Variants in EYA1 observed in about 807,000 individuals in gnomAD.
EYA1 encodes the protein protein phosphatase EYA1.
Under a neutral mutation model 82.0 loss-of-function variants are expected in EYA1, and 16 were observed. That is an observed-to-expected ratio of 0.20 (90% CI 0.13 to 0.30). The LOEUF is 0.30. EYA1 is among the 10% of genes least tolerant of loss of function. The probability of loss-of-function intolerance (pLI) is 1.00; values close to 1 mark genes in which losing one functional copy is unlikely to be tolerated. For missense variants in EYA1, 633 were observed against 730.7 expected, an observed-to-expected ratio of 0.87 and a Z score of 1.54; for synonymous variants, 261 against 264.4, an observed-to-expected ratio of 0.99 and a Z score of 0.12.
chr8:71,367,749 G>T (rs1403630362), intron 2 of EYA1, among the ~76,000 whole-genome samples: 1 of 152,112 alleles, frequency 6.6e-6, no homozygotes, highest in Non-Finnish European at 1.5e-5. Flanking sequence ...CTACTGTAAG[G>T]TTTATCTAGA....
chr8:71,326,777 G>A (rs913377310), intron 4 of EYA1, among the ~76,000 whole-genome samples: 4 of 152,128 alleles, frequency 2.6e-5, no homozygotes, highest in Non-Finnish European at 5.9e-5. Context: ...CTAGGAAGAT[G>A]TGAACTAACA....
At chr8:71,214,913 G>A (rs1808988885) in intron 16 of EYA1, among the ~76,000 whole-genome samples, 2 of 152,066 alleles carry the variant, frequency 1.3e-5, no homozygotes, top group Non-Finnish European at 2.9e-5. Context: ...TTTCTTTCAT[G>A]CAAGAAGCTT....
chr8:71,309,286 T>C (rs961472564), intron 7 of EYA1, among the ~76,000 whole-genome samples: 1 of 151,994 alleles, frequency 6.6e-6, no homozygotes, highest in Non-Finnish European at 1.5e-5. Flanking sequence ...GAAATTTTTA[T>C]CCAGTTTTTA....
intron 2 of EYA1, chr8:71,470,858 C>G (rs1006444503): frequency 4.4e-6 from 2 of 454,688 alleles, no homozygotes; most frequent in Non-Finnish European, 8.8e-6. Context: ...TCAGATTTAC[C>G]TTTAATTTCT....
At chr8:71,455,313 G>A (rs79349164) in intron 2 of EYA1, among the ~76,000 whole-genome samples, 3 of 152,148 alleles carry the variant, frequency 2.0e-5, no homozygotes, top group South Asian at 4.2e-4. Context: ...ATTCACTGCC[G>A]AATTCTACCA....
chr8:71,429,687 G>T (rs547722289), intron 2 of EYA1, among the ~76,000 whole-genome samples: 6 of 152,164 alleles, frequency 3.9e-5, no homozygotes, highest in Admixed American at 2.0e-4. Context: ...AGAGACAGAG[G>T]TTATGAGCCC....
At chr8:71,543,005 GTCTGTTCAC>G (rs1815269925) in intron 1 of EYA1, among the ~76,000 whole-genome samples, 1 of 151,894 alleles carries the variant, frequency 6.6e-6, no homozygotes, top group Admixed American at 6.6e-5. Context: ...TCTGTAGATT[GTCTGTTCAC>G]TCTGTTGACA....
At chr8:71,364,959 TATATATATATA>T (rs1827660200), upstream of EYA1, among the ~76,000 whole-genome samples, 1 of 126,210 alleles carries the variant, frequency 7.9e-6, no homozygotes, top group African/African-American at 3.7e-5. Context: ...TATATATATA[TATATATATATA>T]TATATATATA....
At chr8:71,489,402 G>T (rs7825546) in intron 2 of EYA1, among the ~76,000 whole-genome samples, 1 of 151,162 alleles carries the variant, frequency 6.6e-6, no homozygotes, top group African/African-American at 2.4e-5. Flanking sequence ...TCCTACAAAC[G>T]CTTTGTTTTA....
chr8:71,495,727 C>A (rs1376570895), intron 2 of EYA1, among the ~76,000 whole-genome samples: 1 of 152,018 alleles, frequency 6.6e-6, no homozygotes, highest in Non-Finnish European at 1.5e-5. Context: ...CTTCACTGAC[C>A]AACAAAATTA....
chr8:71,260,324 C>T (rs918198239), intron 11 of EYA1, among the ~76,000 whole-genome samples: 26 of 152,126 alleles, frequency 1.7e-4, no homozygotes, highest in Admixed American at 1.5e-3. Context: ...TTGGTCTCTA[C>T]AAAGTACTTA....
intron 2 of EYA1, among the ~76,000 whole-genome samples, chr8:71,437,813 GA>G (rs1421734427): frequency 2.0e-5 from 3 of 148,936 alleles, no homozygotes; most frequent in South Asian, 4.2e-4. Context: ...ACTACATATT[GA>G]AAAAAAAATG....
chr8:71,301,965 C>A (rs1265814173), intron 7 of EYA1, among the ~76,000 whole-genome samples: 1 of 151,758 alleles, frequency 6.6e-6, no homozygotes, highest in Admixed American at 6.6e-5. Context: ...TCTTTACGTG[C>A]ATATCAGTGA....
At chr8:71,309,901 T>C (rs1456109276) in intron 7 of EYA1, among the ~76,000 whole-genome samples, 1 of 152,182 alleles carries the variant, frequency 6.6e-6, no homozygotes, top group African/African-American at 2.4e-5. Context: ...AACAACATTA[T>C]ACACAAAGAG....
At position 71,216,765 on chromosome 8, in the gene EYA1, G is replaced by C. The variant is rs1809259969; in HGVS notation, c.1287C>G (p.Asp429Glu). ...AGCGGAAGGCCAACTTTCTCATCCA[G>C]TCCACACCGCCCCGTACACCAGTTG... ...CLATGVRGGV[D>E]WMRKLAFRYR... The change falls in exon 14 of 18, where the codon GAC (aspartate) becomes GAG (glutamate). Residue 429 changes from aspartate (D) to glutamate (E), a missense_variant. Transcript: ENST00000340726. 1 of 1,614,068 alleles carries C rather than the reference G, an allele frequency of 6.2e-7. No individual in the cohort carries two copies. The highest frequency in any genetic ancestry group is 8.5e-7 in the Non-Finnish European group (1 of 1,179,982).
chr8:71,505,880 G>A (rs1812156116), intron 2 of EYA1, among the ~76,000 whole-genome samples: 1 of 152,148 alleles, frequency 6.6e-6, no homozygotes, highest in Non-Finnish European at 1.5e-5. Flanking sequence ...CTGGTGGGAG[G>A]TGATTAGATA....
At chr8:71,245,862 A>T (rs929160902) in intron 11 of EYA1, among the ~76,000 whole-genome samples, 1 of 152,174 alleles carries the variant, frequency 6.6e-6, no homozygotes, top group African/African-American at 2.4e-5. Flanking sequence ...CCCATGCCAT[A>T]CTCAGAGAGC....
chr8:71,200,131 CA>C (rs1806782034), intron 17 of EYA1: 1 of 153,650 alleles, frequency 6.5e-6, no homozygotes, highest in African/African-American at 2.5e-5. Context: ...TTCACTGCTC[CA>C]AAGCACTATA....
chr8:71,417,854 C>T lies in EYA1; in HGVS notation c.34-61343G>A, dbSNP rs73687707. 6.1e-3 allele frequency among the ~76,000 whole-genome samples: 935 copies of T among 152,286 alleles called. 12 individuals carry two copies. Among genetic ancestry groups the T allele is most frequent in the African/African-American group, 0.021 (885 of 41,566 alleles). On this transcript the variant is annotated intron_variant, in intron 2 of 18. Transcript: ENST00000643681. ...TAGAGATAACTCAAATTCCACTCTT[C>T]CTTAAATCACCATCATAATTCCCAA... is the stretch of plus-strand genomic sequence containing the variant.
Sources: gnomAD v4.1 joint callset for allele counts (sites outside exome capture counted in the v4.1 genomes callset) on GRCh38, gnomAD v4.1.1 for gene constraint, MANE v1.5 for transcripts, NCBI Gene and HGNC (gene_info 2026-07-23, HGNC 2026-07-21) for gene names.